The following PDE8A variants were observed in gnomAD, a reference collection of about 807,000 sequenced individuals.
PDE8A encodes the protein high affinity cAMP-specific and IBMX-insensitive 3',5'-cyclic phosphodiesterase 8A.
PDE8A carries 59 observed loss-of-function variants against 105.0 expected under a neutral mutation model. The observed-to-expected ratio is 0.56, with a 90% CI of 0.46 to 0.70. The LOEUF is 0.70. PDE8A is among the 30% of genes least tolerant of loss of function. PDE8A has a pLI of 0.00. For synonymous variants in PDE8A, 355 were observed against 371.9 expected (o/e 0.95, Z 0.52); for missense variants, 1,014 against 1,045.9 (o/e 0.97, Z 0.42).
chr15:85,127,070 C>T (rs1381391339), intron 20 of PDE8A, among the ~76,000 whole-genome samples: 2 of 152,036 alleles, frequency 1.3e-5, no homozygotes, highest in Non-Finnish European at 2.9e-5. Context: ...GTGATGCACT[C>T]CTGTAGTCCC....
chr15:85,016,900 G>T, intron 1 of PDE8A, among the ~76,000 whole-genome samples: 1 of 149,192 alleles, frequency 6.7e-6, no homozygotes, highest in East Asian at 2.0e-4. Flanking sequence ...ATTATTTTTT[G>T]CTTTCATAAG....
intron 3 of PDE8A, among the ~76,000 whole-genome samples, chr15:85,071,893 T>C (rs2081316652): frequency 6.6e-6 from 1 of 152,170 alleles, no homozygotes; most frequent in African/African-American, 2.4e-5. Flanking sequence ...TATAAGACAC[T>C]GTAGAACCTT....
intron 1 of PDE8A, among the ~76,000 whole-genome samples, chr15:85,022,912 T>C (rs144209325): frequency 1.3e-5 from 2 of 152,220 alleles, no homozygotes; most frequent in East Asian, 1.9e-4. Context: ...GATGAAGATA[T>C]ATGAACATGT....
intron 1 of PDE8A, 64 bp downstream of exon 1, chr15:84,982,412 C>A: frequency 6.3e-6 from 7 of 1,119,570 alleles, no homozygotes; most frequent in Non-Finnish European, 8.1e-6. Context: ...AGCAACTTTC[C>A]CGCAGGGGCC....
intron 1 of PDE8A, among the ~76,000 whole-genome samples, chr15:85,034,139 C>T (rs901057567): frequency 6.6e-6 from 1 of 152,148 alleles, no homozygotes; most frequent in Non-Finnish European, 1.5e-5. Flanking sequence ...ATTTTGACTC[C>T]TCCGTATTAT....
At chr15:85,031,762 G>T (rs2080618913) in intron 1 of PDE8A, among the ~76,000 whole-genome samples, 1 of 152,128 alleles carries the variant, frequency 6.6e-6, no homozygotes, top group African/African-American at 2.4e-5. Flanking sequence ...AATGTTACAT[G>T]CTGTTATTGG....
At chr15:85,028,596 GT>G (rs754008752) in intron 1 of PDE8A, among the ~76,000 whole-genome samples, 1 of 152,272 alleles carries the variant, frequency 6.6e-6, no homozygotes, top group East Asian at 1.9e-4. Flanking sequence ...TCCTACAAAA[GT>G]GTTATCTATT....
chr15:85,077,291 A>T (rs930889723), intron 5 of PDE8A, among the ~76,000 whole-genome samples: 3 of 152,270 alleles, frequency 2.0e-5, no homozygotes, highest in South Asian at 4.1e-4. Context: ...CTCCACTCCC[A>T]GCTTCAATCT....
intron 10 of PDE8A, 43 bp from the exon 11 acceptor site, chr15:85,100,113 T>G: frequency 6.2e-7 from 1 of 1,613,102 alleles, no homozygotes; most frequent in Non-Finnish European, 8.5e-7. Context: ...CCCAGCAAGA[T>G]TTTCAGCAAT....
chr15:85,002,189 G>A (rs2080078092), intron 1 of PDE8A, among the ~76,000 whole-genome samples: 1 of 152,058 alleles, frequency 6.6e-6, no homozygotes. Flanking sequence ...TGCCCCCCCA[G>A]TTCAGATGCC....
At chr15:85,061,270 G>A (rs571232299) in intron 1 of PDE8A, among the ~76,000 whole-genome samples, 44 of 151,828 alleles carry the variant, frequency 2.9e-4, no homozygotes, top group Middle Eastern at 6.8e-3. Flanking sequence ...ATCTTGCTCT[G>A]TTGTCCAGGC....
chr15:85,126,058 A>G lies in PDE8A; in HGVS notation c.2086-149A>G, dbSNP rs1038298037. On this transcript the variant is annotated intron_variant, in intron 19 of 21. Transcript: ENST00000394553. ...TGGGTAAAATGAGAGGCCAAGCTCA[A>G]TGCTCACAGTATCCTTGGCACTGTT... is the stretch of plus-strand genomic sequence containing the variant. 2.9e-5 allele frequency: 14 copies of G among 484,864 alleles called. No homozygotes were observed. The Admixed American group carries it at 4.3e-4, about 15-fold the overall frequency. The allele number at this position is 484,864 out of a possible 1,614,324, so 30.0% of individuals were successfully genotyped here.
At chr15:85,121,051 C>G in intron 18 of PDE8A, 37 bp downstream of exon 18, 1 of 917,124 alleles carries the variant, frequency 1.1e-6, no homozygotes, top group South Asian at 1.7e-5. Flanking sequence ...TGATCCCTCT[C>G]TTTCTTTTTT....
chr15:85,065,629 G>A (rs1186730479), intron 2 of PDE8A, among the ~76,000 whole-genome samples: 4 of 152,214 alleles, frequency 2.6e-5, no homozygotes, highest in African/African-American at 4.8e-5. Flanking sequence ...TTGCATGTAT[G>A]GTCTTTGTGT....
intron 18 of PDE8A, 65 bp from the exon 19 acceptor site, chr15:85,122,996 T>G: frequency 2.6e-6 from 4 of 1,541,478 alleles, no homozygotes; most frequent in Non-Finnish European, 3.6e-6. Context: ...CAGATTGTTT[T>G]CAGGAGTACC....
intron 13 of PDE8A, among the ~76,000 whole-genome samples, 179 bp from the exon 14 acceptor site, chr15:85,113,693 GT>G (rs1159518421): frequency 6.6e-6 from 1 of 152,104 alleles, no homozygotes; most frequent in Non-Finnish European, 1.5e-5. Context: ...GCTGTTATTT[GT>G]TTTTTAGAGA....
chr15:84,996,709 G>A (rs1039107181), intron 1 of PDE8A, among the ~76,000 whole-genome samples: 1 of 149,898 alleles, frequency 6.7e-6, no homozygotes, highest in African/African-American at 2.4e-5. Flanking sequence ...GCCTGTAATC[G>A]CAGCTACTCA....
intron 2 of PDE8A, among the ~76,000 whole-genome samples, chr15:85,065,762 A>G (rs1287691804): frequency 6.6e-6 from 1 of 152,226 alleles, no homozygotes; most frequent in Non-Finnish European, 1.5e-5. Context: ...TTCTGAAGGG[A>G]TGGAGCACGG....
At chr15:85,071,727 ACT>A (rs927054778) in intron 3 of PDE8A, among the ~76,000 whole-genome samples, 3 of 151,606 alleles carry the variant, frequency 2.0e-5, no homozygotes, top group African/African-American at 7.3e-5. Context: ...TGCTAAGGAA[ACT>A]CTTGTGACCC....
Sources: allele counts gnomAD v4.1 joint callset (sites outside exome capture counted in the v4.1 genomes callset), GRCh38; gene constraint gnomAD v4.1.1; transcripts MANE v1.5; gene names NCBI Gene and HGNC (gene_info 2026-07-23, HGNC 2026-07-21).